Variants in COG5 observed in about 807,000 individuals in gnomAD.
COG5 encodes conserved oligomeric Golgi complex subunit 5.
A neutral mutation model predicts 110.4 loss-of-function variants in COG5; 86 were observed. The observed-to-expected ratio is 0.78, with a 90% confidence interval of 0.65 to 0.93. The LOEUF is 0.93. Among genes scored for constraint, COG5 ranks in the 40% least tolerant of loss-of-function variants. COG5 has a pLI of 0.00. For missense variants in COG5, 1,077 were observed against 987.0 expected (o/e 1.09, Z -1.22); for synonymous variants, 360 against 334.6 (o/e 1.08, Z -0.83).
intron 15 of COG5, among the ~76,000 whole-genome samples, chr7:107,257,541 ACAT>A (rs578013774): frequency 2.6e-5 from 4 of 152,238 alleles, no homozygotes; most frequent in Admixed American, 2.0e-4. Context: ...GTTTTCAAGA[ACAT>A]CATTTAACCA....
At chr7:107,306,789 A>G (rs1456403451) in intron 11 of COG5, among the ~76,000 whole-genome samples, 1 of 152,174 alleles carries the variant, frequency 6.6e-6, no homozygotes, top group Admixed American at 6.5e-5. Flanking sequence ...TCTCACAGAA[A>G]AACAAAGGCT....
At chr7:107,299,891 T>C (rs1233375267) in intron 11 of COG5, among the ~76,000 whole-genome samples, 1 of 146,306 alleles carries the variant, frequency 6.8e-6, no homozygotes, top group Non-Finnish European at 1.5e-5. Flanking sequence ...TATATATATA[T>C]ATGGAATTAC....
Position 107,474,006 on chromosome 7 carries a change from C to A in COG5, c.538+53231G>T. The A allele has an allele frequency of 1.1e-6, 1 of 887,634 alleles. No individual in the cohort carries two copies. Among genetic ancestry groups the A allele is most frequent in the Non-Finnish European group, 1.7e-6 (1 of 571,526 alleles). 55.0% of individuals were successfully genotyped at this position (887,634 alleles called of 1,614,324 possible). A position where few individuals can be genotyped will look rare whatever the true frequency, so the allele number is the denominator to read the frequency against. ...ATACGTCATTTAAATTGCCAAATATCAAATAGTTTATTCTATTTCACTTTC... is the reference window on the plus strand; with the variant it reads ...ATACGTCATTTAAATTGCCAAATATAAAATAGTTTATTCTATTTCACTTTC... On this transcript the variant is annotated intron_variant, in intron 6 of 21. Coordinates refer to ENST00000297135, the MANE Select transcript of COG5 (RefSeq NM_006348.5). This position sits in a 1 kb window ranked among gnomAD's most constrained non-coding sequence, Gnocchi z 5.7.
intron 10 of COG5, among the ~76,000 whole-genome samples, chr7:107,339,315 A>G (rs1562975886): frequency 6.6e-6 from 1 of 152,166 alleles, no homozygotes; most frequent in Non-Finnish European, 1.5e-5. Flanking sequence ...ATTCAACAAA[A>G]AGACTTAACT....
At chr7:107,394,638 A>C (rs1275510740) in intron 7 of COG5, among the ~76,000 whole-genome samples, 3 of 152,250 alleles carry the variant, frequency 2.0e-5, no homozygotes, top group Non-Finnish European at 4.4e-5. Flanking sequence ...CCATAGGCTA[A>C]TATGAGATAA....
At chr7:107,390,284 A>G (rs1790524100) in intron 7 of COG5, among the ~76,000 whole-genome samples, 1 of 152,154 alleles carries the variant, frequency 6.6e-6, no homozygotes, top group Admixed American at 6.5e-5. Flanking sequence ...TTACTGAATC[A>G]GTACAAACAG....
At chr7:107,395,743 T>C (rs572562317) in intron 7 of COG5, among the ~76,000 whole-genome samples, 1 of 151,826 alleles carries the variant, frequency 6.6e-6, no homozygotes, top group African/African-American at 2.4e-5. Context: ...TTAGTAGAGA[T>C]AGGGTTTTTC....
chr7:107,513,912 A>C (rs10238362), intron 6 of COG5, among the ~76,000 whole-genome samples: 11 of 148,718 alleles, frequency 7.4e-5, no homozygotes, highest in Non-Finnish European at 8.9e-5. Flanking sequence ...GTGGGGGAAG[A>C]GGGGAGGGAA....
At chr7:107,512,627 T>C (rs1265628907) in intron 6 of COG5, among the ~76,000 whole-genome samples, 5 of 151,950 alleles carry the variant, frequency 3.3e-5, no homozygotes, top group Non-Finnish European at 5.9e-5. Flanking sequence ...GGAGGCATCA[T>C]GCTACCTGAC....
At chr7:107,353,832 C>T (rs1390771423) in intron 10 of COG5, among the ~76,000 whole-genome samples, 1 of 151,994 alleles carries the variant, frequency 6.6e-6, no homozygotes, top group Non-Finnish European at 1.5e-5. Context: ...AACTTCTGAA[C>T]TAGTAAAGCA....
chr7:107,543,330 C>T (rs769625545), intron 5 of COG5, among the ~76,000 whole-genome samples: 5 of 152,186 alleles, frequency 3.3e-5, no homozygotes, highest in Non-Finnish European at 5.9e-5. Flanking sequence ...GACAGATGCT[C>T]GTTGAGGAGA....
intron 14 of COG5, chr7:107,258,630 C>T (rs975675534): frequency 3.0e-5 from 16 of 537,466 alleles, no homozygotes; most frequent in Admixed American, 1.9e-4. Flanking sequence ...TGGTCTTGCA[C>T]GGGAAGAACA....
intron 6 of COG5, among the ~76,000 whole-genome samples, chr7:107,507,003 G>C (rs1399990263): frequency 6.6e-6 from 1 of 152,236 alleles, no homozygotes; most frequent in Admixed American, 6.5e-5. Flanking sequence ...AAGCACGCAA[G>C]GCTGCTCCCA....
intron 17 of COG5, among the ~76,000 whole-genome samples, chr7:107,243,511 CAAAAA>C (rs759045963): frequency 2.5e-5 from 2 of 78,564 alleles, no homozygotes; most frequent in African/African-American, 5.1e-5. Context: ...GACTCCATCT[CAAAAA>C]AAAAAAAAAA....
chr7:107,219,742 T>C (rs867259678), intron 19 of COG5, among the ~76,000 whole-genome samples: 30 of 152,174 alleles, frequency 2.0e-4, no homozygotes, highest in African/African-American at 6.3e-4. Context: ...AGGAGGAAGA[T>C]GGTTTTTGAA....
rs578037715 is a variant in COG5 at position 107,417,316 on chromosome 7, G to C, written c.539-4684C>G. ...TAAAATTTTACCCATGAGTTGTTTTGCTCTTATTATTTGTAATTATACTTA... is the reference window on the plus strand; with the variant it reads ...TAAAATTTTACCCATGAGTTGTTTTCCTCTTATTATTTGTAATTATACTTA... On this transcript the variant is annotated intron_variant, in intron 6 of 21. Transcript: ENST00000297135. Among the ~76,000 whole-genome samples, 453 of 152,018 alleles carry C rather than the reference G, an allele frequency of 3.0e-3. 3 individuals are homozygous for C. Among genetic ancestry groups the C allele is most frequent in the African/African-American group, 0.01 (423 of 41,466 alleles).
chr7:107,298,316 C>T lies in COG5; in HGVS notation c.1139G>A (p.Gly380Glu), dbSNP rs772314269. 3 of 1,613,394 alleles carry T rather than the reference C, an allele frequency of 1.9e-6. No individual in the cohort carries two copies. In the Admixed American group the frequency reaches 5.0e-5, roughly 27 times the overall value. ...AAGACGTAATAATTTAGGGTATTCT[C>T]CTTCAAATGCCTGCTTCAAAAACAT... ...SSMFLKQAFE[G>E]EYPKLLRLYN... The change falls in exon 12 of 22, where the codon GGA (glycine) becomes GAA (glutamate). Residue 380 changes from glycine to glutamate, a missense_variant. Transcript: ENST00000297135.
chr7:107,546,051 AAATC>A (rs1802416240), intron 5 of COG5, among the ~76,000 whole-genome samples: 1 of 152,158 alleles, frequency 6.6e-6, no homozygotes, highest in African/African-American at 2.4e-5. Flanking sequence ...ATTAAACTAG[AAATC>A]AATAAAGGAT....
intron 6 of COG5, among the ~76,000 whole-genome samples, chr7:107,463,557 C>CA (rs1167114660): frequency 8.5e-5 from 13 of 152,176 alleles, no homozygotes; most frequent in African/African-American, 3.1e-4. Flanking sequence ...ACTAATTATA[C>CA]ATTTAGCAGA....
Sources: gnomAD v4.1 joint callset for allele counts (sites outside exome capture counted in the v4.1 genomes callset) on GRCh38, gnomAD v4.1.1 for gene constraint, Gnocchi (gnomAD v3.1) non-coding constraint, MANE v1.5 for transcripts, NCBI Gene and HGNC (gene_info 2026-07-23, HGNC 2026-07-21) for gene names.